The following KMT2E variants were observed in gnomAD, a reference collection of about 807,000 sequenced individuals.
KMT2E encodes lysine methyltransferase 2E (inactive), also known as histone reader KMT2E.
A neutral mutation model predicts 184.6 loss-of-function variants in KMT2E; 30 were observed. That is an observed-to-expected ratio of 0.16 (90% CI 0.12 to 0.22). KMT2E has a LOEUF of 0.22. Among genes scored for constraint, KMT2E ranks in the 10% least tolerant of loss-of-function variants. The pLI is 1.00. For missense variants in KMT2E, 2,023 were observed against 2,237.4 expected (o/e 0.90, Z 1.93); for synonymous variants, 815 against 776.5 (o/e 1.05, Z -0.82).
intron 9 of KMT2E, 83 bp from the exon 10 acceptor site, chr7:105,076,872 TTGTGTGTG>T (rs10598888): frequency 0.017 from 10,515 of 630,840 alleles, 111 homozygotes; most frequent in African/African-American, 0.072. Context: ...GCCGTTAATT[TTGTGTGTG>T]TGTGTGTGTG....
At chr7:105,060,515 C>T (rs560645628) in intron 3 of KMT2E, among the ~76,000 whole-genome samples, 16 of 152,148 alleles carry the variant, frequency 1.1e-4, no homozygotes, top group Admixed American at 9.8e-4. Context: ...TAACCTCAAA[C>T]TTCTAGGCCC....
rs17721268 is a variant in KMT2E, at chr7:105,048,006, A to G, written c.71+6983A>G. 2.0e-3 allele frequency among the ~76,000 whole-genome samples: 311 copies of G among 152,280 alleles called. 5 individuals carry two copies. The East Asian group carries it at 0.053, about 26-fold the overall frequency. The stretch of plus-strand genomic sequence containing the variant: ...GGAAATACCGTTTGTTTCAGCAGCT[A>G]TGGTAGACAATTGTGTGAAATCCTT... On this transcript the variant is annotated intron_variant, in intron 3 of 26. Coordinates refer to ENST00000311117, the MANE Select transcript of KMT2E (RefSeq NM_182931.3).
intron 6 of KMT2E, among the ~76,000 whole-genome samples, chr7:105,069,789 C>T (rs1421023629): frequency 6.6e-6 from 1 of 152,146 alleles, no homozygotes; most frequent in Non-Finnish European, 1.5e-5. Flanking sequence ...CTGTCACTGC[C>T]AGGAGTCATG....
intron 15 of KMT2E, among the ~76,000 whole-genome samples, chr7:105,100,018 A>G (rs1256329513): frequency 2.0e-5 from 3 of 152,202 alleles, no homozygotes; most frequent in Non-Finnish European, 2.9e-5. Context: ...ACTCAGCTGT[A>G]AAACTTTCAG....
intron 1 of KMT2E, among the ~76,000 whole-genome samples, chr7:105,034,997 A>G (rs1795578107): frequency 6.7e-6 from 1 of 149,086 alleles, no homozygotes; most frequent in East Asian, 2.0e-4. Flanking sequence ...CTGAGATTAC[A>G]GGTGCCCACC....
chr7:105,063,922 ATTTGTGCT>A (rs1796921208), intron 5 of KMT2E: 1 of 454,078 alleles, frequency 2.2e-6, no homozygotes, highest in South Asian at 1.6e-5. Context: ...CTTTGGAATA[ATTTGTGCT>A]TAGTCAACTG....
chr7:105,087,204 TG>T (rs1485150002), intron 13 of KMT2E, among the ~76,000 whole-genome samples: 6 of 146,882 alleles, frequency 4.1e-5, no homozygotes, highest in African/African-American at 1.5e-4. Context: ...GCTATATATA[TG>T]CTTATATAAT....
intron 3 of KMT2E, among the ~76,000 whole-genome samples, chr7:105,054,490 AT>A (rs1796489332): frequency 6.6e-6 from 1 of 150,572 alleles, no homozygotes; most frequent in South Asian, 2.2e-4. Context: ...CTATCTATCT[AT>A]CTATCTATCT....
intron 3 of KMT2E, among the ~76,000 whole-genome samples, chr7:105,055,217 G>GT (rs1374514810): frequency 0.018 from 2,297 of 130,972 alleles, 27 homozygotes; most frequent in Middle Eastern, 0.04. Flanking sequence ...TTCTTTTTAG[G>GT]TTTTTTTTTT....
rs1247978712 is a variant in KMT2E at position 105,102,120 on chromosome 7, C to A, written c.2122C>A (p.Leu708Ile). 1 of 1,612,618 alleles carries A rather than the reference C, an allele frequency of 6.2e-7. No individual in the cohort carries two copies. The highest frequency in any genetic ancestry group is 8.5e-7 in the Non-Finnish European group (1 of 1,178,886). ...LTIEPETETA[L>I]AEIITETEVP... ...AATAGAACCAGAAACTGAAACTGCA[C>A]TAGCAGAAATAATTACTGAAACTGA... The change falls in exon 17 of 27, where the codon CTA becomes ATA. Residue 708 changes from leucine (L) to isoleucine (I), a missense_variant. Around this residue, in one of 8 missense-constraint regions of KMT2E, gnomAD observed 514 missense variants for 621.8 expected, o/e 0.83. Coordinates refer to ENST00000311117, the MANE Select transcript of KMT2E (RefSeq NM_182931.3).
chr7:105,014,761 AG>A (rs1224181985), intron 1 of KMT2E, among the ~76,000 whole-genome samples: 1 of 152,112 alleles, frequency 6.6e-6, no homozygotes, highest in Non-Finnish European at 1.5e-5. Context: ...GGGTTGGGAA[AG>A]GGGTAACTGG....
chr7:105,037,122 A>G (rs895345552), intron 1 of KMT2E, among the ~76,000 whole-genome samples: 3 of 152,146 alleles, frequency 2.0e-5, no homozygotes, highest in African/African-American at 7.2e-5. Flanking sequence ...TAAGCCAAAA[A>G]TTTACCTAGT....
intron 13 of KMT2E, among the ~76,000 whole-genome samples, chr7:105,086,790 A>G (rs950320134): frequency 1.4e-5 from 2 of 146,820 alleles, no homozygotes; most frequent in Non-Finnish European, 3.0e-5. Context: ...TAAATATAAT[A>G]TATAAAAATA....
intron 15 of KMT2E, among the ~76,000 whole-genome samples, chr7:105,092,134 T>G (rs1047849130): frequency 1.3e-5 from 2 of 152,176 alleles, no homozygotes; most frequent in Non-Finnish European, 2.9e-5. Flanking sequence ...GAAAGGTTGG[T>G]CATTGTTGGC....
chr7:105,050,665 T>TTTTCTTTCTTTCTTTC (rs557700509), intron 3 of KMT2E, among the ~76,000 whole-genome samples: 3 of 147,404 alleles, frequency 2.0e-5, no homozygotes, highest in East Asian at 2.2e-4. Context: ...TTTCTTTCTT[T>TTTTCTTTCTTTCTTTC]TTTCTTTCTT....
In KMT2E at chr7:105,050,758, C is replaced by T. The variant is rs144828494; in HGVS notation, c.71+9735C>T. ...CTGTCTTTCTTTCTTTCGACAGACTCTTGCTCTGTCACCCAGGCTGGAGTG... is the reference window on the plus strand; with the variant it reads ...CTGTCTTTCTTTCTTTCGACAGACTTTTGCTCTGTCACCCAGGCTGGAGTG... On this transcript the variant is annotated intron_variant, in intron 3 of 26. Transcript: ENST00000311117. Among the ~76,000 whole-genome samples the T allele has an allele frequency of 3.0e-3, 447 of 151,070 alleles. 15 individuals carry two copies. In the East Asian group the frequency reaches 0.062, roughly 21 times the overall value.
intron 13 of KMT2E, among the ~76,000 whole-genome samples, chr7:105,082,868 T>C (rs1457428979): frequency 1.3e-5 from 2 of 152,218 alleles, no homozygotes; most frequent in African/African-American, 4.8e-5. Context: ...TTCTGCCAGA[T>C]TGTCTAATGT....
chr7:105,048,061 A>G (rs569163971), intron 3 of KMT2E, among the ~76,000 whole-genome samples: 18 of 152,262 alleles, frequency 1.2e-4, no homozygotes, highest in African/African-American at 3.6e-4. Flanking sequence ...GGACTCAAAA[A>G]AGGACCTCAA....
intron 1 of KMT2E, among the ~76,000 whole-genome samples, chr7:105,030,476 A>G (rs564532803): frequency 6.6e-6 from 1 of 152,348 alleles, no homozygotes; most frequent in Admixed American, 6.5e-5. Context: ...GATTATTAGT[A>G]TGGAACAAGA....
Sources: allele counts gnomAD v4.1 joint callset (sites outside exome capture counted in the v4.1 genomes callset), GRCh38; gene constraint gnomAD v4.1.1; regional missense constraint gnomAD v4.1.1; transcripts MANE v1.5; gene names NCBI Gene and HGNC (gene_info 2026-07-23, HGNC 2026-07-21).